The following ABCC8 variants were observed in gnomAD, a reference collection of about 807,000 sequenced individuals.
ABCC8 encodes ATP-binding cassette sub-family C member 8.
A neutral mutation model predicts 188.0 loss-of-function variants in ABCC8; 137 were observed. The observed-to-expected ratio is 0.73, with a 90% confidence interval of 0.63 to 0.84. The LOEUF (loss-of-function observed/expected upper bound fraction) is 0.84, where lower values mean the gene tolerates loss of function less well. ABCC8 is among the 40% of genes least tolerant of loss of function. ABCC8 has a pLI of 0.00. For synonymous variants in ABCC8, 797 were observed against 846.5 expected (o/e 0.94, Z 1.01); for missense variants, 1,750 against 2,072.7 (o/e 0.84, Z 3.02).
At chr11:17,475,175 A>G (rs1165713299) in intron 1 of ABCC8, 148 bp from the exon 2 acceptor site, 3 of 1,234,102 alleles carry the variant, frequency 2.4e-6, no homozygotes, top group Non-Finnish European at 3.4e-6. Flanking sequence ...CACACAAACT[A>G]AACGTCCAAC....
intron 29 of ABCC8, among the ~76,000 whole-genome samples, chr11:17,402,058 C>A (rs1404590118): frequency 6.6e-6 from 1 of 152,220 alleles, no homozygotes; most frequent in Non-Finnish European, 1.5e-5. Flanking sequence ...GCCTGCAGGG[C>A]AGCGGCTTAT....
At chr11:17,416,987 C>A (rs746092737) in intron 16 of ABCC8, 25 bp from the exon 17 acceptor site, 1 of 1,613,922 alleles carries the variant, frequency 6.2e-7, no homozygotes, top group Non-Finnish European at 8.5e-7. Context: ...ATGGGACAGA[C>A]CAACACCAGT....
chr11:17,428,730 G>A, intron 12 of ABCC8, 60 bp from the exon 13 acceptor site: 1 of 1,600,156 alleles, frequency 6.2e-7, no homozygotes, highest in Non-Finnish European at 8.5e-7. Context: ...GAGGGGAGAG[G>A]GCGCAGCCTG....
At chr11:17,438,479 G>A (rs1956191818) in intron 10 of ABCC8, among the ~76,000 whole-genome samples, 1 of 152,150 alleles carries the variant, frequency 6.6e-6, no homozygotes, top group Non-Finnish European at 1.5e-5. Context: ...GTAGAGCCTG[G>A]CACAGAGGAA....
chr11:17,393,035 G>T lies in ABCC8; in HGVS notation c.4702C>A (p.Arg1568=). ...EFDKPEKLLS[R]KDSVFASFVR... is the part of the protein sequence containing the mutation. ...AAGGAGGCGAAGACGCTGTCCTTCCGGCTGAGCAGCTTCTCTGGCTTATCG... is the reference window on the plus strand; with the variant it reads ...AAGGAGGCGAAGACGCTGTCCTTCCTGCTGAGCAGCTTCTCTGGCTTATCG... The change falls in exon 39 of 39, where the codon CGG becomes AGG. Residue 1568 remains arginine (R), a synonymous_variant. Coordinates refer to ENST00000389817, the MANE Select transcript of ABCC8 (RefSeq NM_000352.6). 4 of 1,614,156 alleles carry T rather than the reference G, an allele frequency of 2.5e-6. No individual in the cohort carries two copies. The highest frequency in any genetic ancestry group is 3.4e-6 in the Non-Finnish European group (4 of 1,180,054).
chr11:17,449,547 T>C (rs1034838473), intron 7 of ABCC8, among the ~76,000 whole-genome samples: 2 of 152,214 alleles, frequency 1.3e-5, no homozygotes, highest in Non-Finnish European at 2.9e-5. Context: ...GCCATGGTAA[T>C]GGCCTCCCCG....
intron 8 of ABCC8, among the ~76,000 whole-genome samples, chr11:17,445,882 A>G (rs1014008523): frequency 6.6e-6 from 1 of 152,052 alleles, no homozygotes; most frequent in African/African-American, 2.4e-5. Flanking sequence ...AGTTAGCACT[A>G]TTAGCAACGA....
chr11:17,428,248 A>C (rs759682268), intron 14 of ABCC8, 41 bp downstream of exon 14: 1 of 1,613,292 alleles, frequency 6.2e-7, no homozygotes, highest in South Asian at 1.1e-5. Flanking sequence ...TCCCTCTGGG[A>C]GTTGGTGCTG....
Position 17,455,552 on chromosome 11 carries a change from T to G in ABCC8, c.1012-2269A>C, listed in dbSNP as rs531149495. On this transcript the variant is annotated intron_variant, in intron 6 of 38. Transcript: ENST00000389817. ...TGACCTGTTAAAATAAAAATCTCAC[T>G]GCAGCTATAAGTCATTGGGTCATTA... Among the ~76,000 whole-genome samples, 8 of 152,308 alleles carry G rather than the reference T, an allele frequency of 5.3e-5. No individual in the cohort carries two copies. The East Asian group carries it at 7.7e-4, about 15-fold the overall frequency.
At chr11:17,448,792 A>C (rs1956643394) in intron 7 of ABCC8, 121 bp from the exon 8 acceptor site, 2 of 1,532,748 alleles carry the variant, frequency 1.3e-6, no homozygotes, top group East Asian at 4.5e-5. Context: ...GCCCTAGAGC[A>C]GCTCTGTAAG....
rs1564928301 is a variant in ABCC8, at chr11:17,430,546, G to GT, written c.1817+267_1817+268insA. The GT allele has an allele frequency of 6.9e-3, 3,040 of 442,600 alleles. 2 individuals are homozygous for GT. Among genetic ancestry groups the GT allele is most frequent in the South Asian group, 0.021 (800 of 38,294 alleles). The allele number at this position is 442,600 out of a possible 1,614,324, so 27.4% of individuals were successfully genotyped here. A position where few individuals can be genotyped will look rare whatever the true frequency, so the allele number is the denominator to read the frequency against. ...AGGATTCCACATTTGGCTCAACACT[G>GT]GTTTTTTTTTTTTTTTAAGTTGTCG... On this transcript the variant is annotated intron_variant, in intron 12 of 38. Transcript: ENST00000389817.
Position 17,470,092 on chromosome 11 carries a change from C to G in ABCC8, c.412+9G>C. On this transcript the variant is annotated intron_variant, in intron 3 of 38. Coordinates refer to ENST00000389817, the MANE Select transcript of ABCC8 (RefSeq NM_000352.6). Reference sequence around the variant, plus strand: ...AAGGTACTGCCCCTCCCTCCTACACCTCACCTACCAATTAGCAGCTTGGGG... The same window carrying G: ...AAGGTACTGCCCCTCCCTCCTACACGTCACCTACCAATTAGCAGCTTGGGG... 1.2e-6 allele frequency: 2 copies of G among 1,614,026 alleles called. No homozygotes were observed. Among genetic ancestry groups the G allele is most frequent in the Non-Finnish European group, 1.7e-6 (2 of 1,180,002 alleles).
rs1178849794 is a variant in ABCC8 at position 17,404,696 on chromosome 11, A to G, written c.3400-27T>C. On this transcript the variant is annotated intron_variant, in intron 27 of 38. Transcript: ENST00000389817. This position sits in a 1 kb window ranked among gnomAD's most constrained non-coding sequence, Gnocchi z 4.7. ...TGAGGGAGACGAGGGGGAGAGAGTG[A>G]GGTGAATTTTGGTATTGACTGTGTT... 1.3e-6 allele frequency: 2 copies of G among 1,581,832 alleles called. No homozygotes were observed. The highest frequency in any genetic ancestry group is 2.2e-4 in the Middle Eastern group (1 of 4,572).
chr11:17,397,789 G>T lies in ABCC8; in HGVS notation c.3762C>A (p.Ile1254=). Residue 1254 remains isoleucine, a synonymous_variant, in exon 31 of 39, where the codon ATC becomes ATA. Transcript: ENST00000389817. ...CTGCGATGAGCACCACACATGCACC[G>T]ATGTACTCCTGGGGAGGGAGAGGAG... ...NRWLEVRMEY[I]GACVVLIAAV... The T allele has an allele frequency of 6.2e-7, 1 of 1,613,738 alleles. No individual in the cohort carries two copies. Among genetic ancestry groups the T allele is most frequent in the Non-Finnish European group, 8.5e-7 (1 of 1,180,000 alleles).
At chr11:17,455,457 G>C (rs1351560510) in intron 6 of ABCC8, among the ~76,000 whole-genome samples, 1 of 152,148 alleles carries the variant, frequency 6.6e-6, no homozygotes. Flanking sequence ...CAAAACCTTT[G>C]ACTTCCTCTC....
chr11:17,454,752 A>C (rs893376496), intron 6 of ABCC8, among the ~76,000 whole-genome samples: 1 of 152,198 alleles, frequency 6.6e-6, no homozygotes, highest in African/African-American at 2.4e-5. Context: ...TGGCTGGCCC[A>C]AGGTCACATG....
intron 26 of ABCC8, 102 bp from the exon 27 acceptor site, chr11:17,405,665 A>T (rs1457079055): frequency 3.8e-6 from 6 of 1,589,290 alleles, no homozygotes; most frequent in Non-Finnish European, 5.1e-6. Flanking sequence ...CTCTGGAGTC[A>T]TTCATGGGTC....
At chr11:17,460,824 T>C (rs1358334525) in intron 5 of ABCC8, 148 bp from the exon 6 acceptor site, 4 of 1,488,734 alleles carry the variant, frequency 2.7e-6, no homozygotes, top group Non-Finnish European at 2.7e-6. Flanking sequence ...GAAGAGATCA[T>C]GGAATCAGCA....
chr11:17,470,608 G>A (rs1349145007), intron 2 of ABCC8, among the ~76,000 whole-genome samples: 1 of 152,198 alleles, frequency 6.6e-6, no homozygotes, highest in Non-Finnish European at 1.5e-5. Context: ...TATTTATGGA[G>A]CATTTACTCT....
Sources: gnomAD v4.1 joint callset for allele counts (sites outside exome capture counted in the v4.1 genomes callset) on GRCh38, gnomAD v4.1.1 for gene constraint, Gnocchi (gnomAD v3.1) non-coding constraint, MANE v1.5 for transcripts, NCBI Gene and HGNC (gene_info 2026-07-23, HGNC 2026-07-21) for gene names.